The following ERG variants were observed in gnomAD, a reference collection of about 807,000 sequenced individuals.
The protein encoded by ERG is ETS transcription factor ERG, also known as transcriptional regulator ERG.
ERG carries 9 observed loss-of-function variants against 55.3 expected under a neutral mutation model. The ratio of observed to expected loss-of-function variants is 0.16; its 90% confidence interval spans 0.10 to 0.28. The LOEUF is 0.28. Ranked by LOEUF, ERG falls within the 10% of genes least tolerant of loss-of-function variation. ERG has a pLI of 1.00. For synonymous variants in ERG, 223 were observed against 237.3 expected, an observed-to-expected ratio of 0.94 and a Z score of 0.55; for missense variants, 434 against 631.6, an observed-to-expected ratio of 0.69 and a Z score of 3.35.
At chr21:38,486,766 C>A (rs1235272189) in intron 1 of ERG, among the ~76,000 whole-genome samples, 1 of 152,134 alleles carries the variant, frequency 6.6e-6, no homozygotes. Flanking sequence ...CCCAGGCTGA[C>A]CTCAGATACT....
At chr21:38,464,957 T>G (rs2059075554) in intron 1 of ERG, among the ~76,000 whole-genome samples, 2 of 152,134 alleles carry the variant, frequency 1.3e-5, no homozygotes, top group Non-Finnish European at 2.9e-5. Context: ...CTTTATCCAG[T>G]CTATTGTTGA....
intron 6 of ERG, among the ~76,000 whole-genome samples, 199 bp from the exon 7 acceptor site, chr21:38,392,643 C>T (rs17285015): frequency 0.035 from 5,335 of 152,252 alleles, 107 homozygotes; most frequent in East Asian, 0.066. Flanking sequence ...AATTCTCACC[C>T]GTTTGTCTGA....
intron 2 of ERG, 88 bp downstream of exon 2, chr21:38,445,316 T>C (rs2058881094): frequency 9.7e-6 from 10 of 1,035,326 alleles, no homozygotes; most frequent in Admixed American, 8.4e-5. Flanking sequence ...AGTCAATCTT[T>C]AGAGAAGCAT....
chr21:38,374,061 T>C, the ERG span, among the ~76,000 whole-genome samples: 1 of 152,224 alleles, frequency 6.6e-6, no homozygotes, highest in Non-Finnish European at 1.5e-5. Flanking sequence ...AAGGAAGAGA[T>C]AGAAGCCACT....
At chr21:38,607,590 C>A (rs995834719) in intron 1 of ERG, among the ~76,000 whole-genome samples, 2 of 151,818 alleles carry the variant, frequency 1.3e-5, no homozygotes, top group African/African-American at 4.8e-5. Flanking sequence ...GCCCAGATTG[C>A]GCTGCACCAC....
intron 1 of ERG, among the ~76,000 whole-genome samples, chr21:38,626,204 G>A (rs1213196875): frequency 6.6e-6 from 1 of 152,102 alleles, no homozygotes; most frequent in East Asian, 1.9e-4. Flanking sequence ...TTACAGGCGT[G>A]AGCCACGTTT....
intron 2 of ERG, among the ~76,000 whole-genome samples, chr21:38,525,286 C>A (rs2059622147): frequency 1.3e-5 from 2 of 152,230 alleles, no homozygotes; most frequent in South Asian, 4.1e-4. Context: ...CTCTTTTTGG[C>A]ATTCACCCTC....
At chr21:38,647,973 T>C (rs1397621099) in intron 1 of ERG, among the ~76,000 whole-genome samples, 1 of 152,238 alleles carries the variant, frequency 6.6e-6, no homozygotes, top group Non-Finnish European at 1.5e-5. Flanking sequence ...TTTTTTAATG[T>C]CTATGAACTA....
intron 1 of ERG, among the ~76,000 whole-genome samples, chr21:38,637,423 A>C (rs1427631213): frequency 1.3e-5 from 2 of 152,174 alleles, no homozygotes; most frequent in African/African-American, 4.8e-5. Flanking sequence ...TTTGGAAGCT[A>C]TTGTGGTGAA....
chr21:38,476,783 C>T (rs537199993), intron 1 of ERG, among the ~76,000 whole-genome samples: 1 of 152,210 alleles, frequency 6.6e-6, no homozygotes, highest in East Asian at 1.9e-4. Context: ...CCAACAACAA[C>T]GTTTAGGGGG....
At chr21:38,647,464 G>T (rs1421886612) in intron 1 of ERG, among the ~76,000 whole-genome samples, 1 of 152,070 alleles carries the variant, frequency 6.6e-6, no homozygotes, top group Non-Finnish European at 1.5e-5. Flanking sequence ...GTAGACATAC[G>T]TATATGTATA....
intron 1 of ERG, among the ~76,000 whole-genome samples, chr21:38,477,007 C>CTTTT (rs397867221): frequency 2.3e-3 from 195 of 84,138 alleles, no homozygotes; most frequent in Non-Finnish European, 2.6e-3. Flanking sequence ...TCTTTCTTTC[C>CTTTT]TTTTTTTTTT....
intron 1 of ERG, among the ~76,000 whole-genome samples, chr21:38,480,106 G>T (rs542234620): frequency 2.0e-5 from 3 of 152,156 alleles, no homozygotes; most frequent in Non-Finnish European, 2.9e-5. Flanking sequence ...CAGGCAGGTA[G>T]CATCTGTAGC....
intron 9 of ERG, among the ~76,000 whole-genome samples, chr21:38,389,993 C>A (rs766646966): frequency 2.0e-5 from 3 of 152,168 alleles, no homozygotes; most frequent in Non-Finnish European, 4.4e-5. Flanking sequence ...TATTCCATTT[C>A]GAACCTTATT....
chr21:38,559,359 T>A (rs924843791), intron 2 of ERG, among the ~76,000 whole-genome samples: 1 of 148,692 alleles, frequency 6.7e-6, no homozygotes, highest in African/African-American at 2.5e-5. Context: ...AAATAATAGA[T>A]CCTTCTCCAT....
chr21:38,429,275 T>C (rs1476405165), intron 2 of ERG, among the ~76,000 whole-genome samples: 6 of 151,916 alleles, frequency 3.9e-5, no homozygotes, highest in Non-Finnish European at 8.8e-5. Flanking sequence ...CACACGCATA[T>C]ATACACATAT....
chr21:38,543,045 C>T (rs1005180110), intron 2 of ERG, among the ~76,000 whole-genome samples: 3 of 152,250 alleles, frequency 2.0e-5, no homozygotes, highest in African/African-American at 7.2e-5. Flanking sequence ...ATGGGTGGCC[C>T]ACCGGAGAGA....
intron 3 of ERG, among the ~76,000 whole-genome samples, chr21:38,407,647 T>TATATATATATATATATATATATAA (rs891801676): frequency 2.0e-5 from 3 of 146,686 alleles, no homozygotes; most frequent in African/African-American, 7.5e-5. Flanking sequence ...TATATATATT[T>TATATATATATATATATATATATAA]AATGTATATT....
upstream of ERG, among the ~76,000 whole-genome samples, chr21:38,585,835 C>A (rs2146884548): frequency 6.6e-6 from 1 of 151,794 alleles, no homozygotes; most frequent in Non-Finnish European, 1.5e-5. Flanking sequence ...TGCATAGAGG[C>A]AAATTGCCCA....
Sources: gnomAD v4.1 joint callset for allele counts (sites outside exome capture counted in the v4.1 genomes callset) on GRCh38, gnomAD v4.1.1 for gene constraint, MANE v1.5 for transcripts, NCBI Gene and HGNC (gene_info 2026-07-23, HGNC 2026-07-21) for gene names.